The following LRRTM4 variants were observed in gnomAD, a reference collection of about 807,000 sequenced individuals.
The protein encoded by LRRTM4 is leucine rich repeat transmembrane neuronal 4.
Under a neutral mutation model 47.6 loss-of-function variants are expected in LRRTM4, and 25 were observed. The ratio of observed to expected loss-of-function variants is 0.53; its 90% CI spans 0.38 to 0.73. The LOEUF (loss-of-function observed/expected upper bound fraction) is 0.73. Among genes scored for constraint, LRRTM4 ranks in the 30% least tolerant of loss-of-function variants. The pLI is 0.00. For missense variants in LRRTM4, 638 were observed against 713.4 expected, an observed-to-expected ratio of 0.89 and a Z score of 1.20; for synonymous variants, 311 against 269.5, an observed-to-expected ratio of 1.15 and a Z score of -1.51.
chr2:76,750,139 A>T (rs956747477), intron 3 of LRRTM4, among the ~76,000 whole-genome samples: 2 of 152,200 alleles, frequency 1.3e-5, no homozygotes, highest in African/African-American at 4.8e-5. Context: ...CTCCTCCAGG[A>T]ATTTATCCTA....
At chr2:76,898,118 A>G (rs1336401159) in intron 3 of LRRTM4, among the ~76,000 whole-genome samples, 2 of 152,140 alleles carry the variant, frequency 1.3e-5, no homozygotes, top group East Asian at 3.9e-4. Flanking sequence ...TGAGTTATAC[A>G]CATCTTGTTA....
intron 3 of LRRTM4, among the ~76,000 whole-genome samples, chr2:76,909,954 T>C (rs1442577459): frequency 2.0e-5 from 3 of 152,192 alleles, no homozygotes; most frequent in African/African-American, 7.2e-5. Flanking sequence ...CTCAGGGATC[T>C]AGAACTAGAA....
intron 3 of LRRTM4, among the ~76,000 whole-genome samples, chr2:77,059,764 A>G (rs866255544): frequency 2.2e-4 from 33 of 152,306 alleles, no homozygotes; most frequent in African/African-American, 6.5e-4. Context: ...AGGAGTGAAA[A>G]GTAAAGCAAA....
At chr2:76,778,632 C>G (rs1674170072) in intron 3 of LRRTM4, among the ~76,000 whole-genome samples, 1 of 152,022 alleles carries the variant, frequency 6.6e-6, no homozygotes, top group African/African-American at 2.4e-5. Flanking sequence ...TTTACTGCAT[C>G]CATTTGATTC....
At chr2:77,069,119 C>A (rs191930605) in intron 3 of LRRTM4, among the ~76,000 whole-genome samples, 6 of 152,082 alleles carry the variant, frequency 3.9e-5, no homozygotes, top group Admixed American at 6.6e-5. Context: ...CTATTCGAGG[C>A]TTTCAACTCT....
At chr2:76,969,262 A>C (rs887045175) in intron 3 of LRRTM4, among the ~76,000 whole-genome samples, 1 of 151,836 alleles carries the variant, frequency 6.6e-6, no homozygotes, top group Admixed American at 6.6e-5. Flanking sequence ...TGGAAATTAA[A>C]CTTTATTCTA....
rs779192487 is a variant in LRRTM4 at position 76,807,445 on chromosome 2, CATATAT to C, written c.1552-58535_1552-58530del. Among the ~76,000 whole-genome samples, 3 of 69,308 alleles carry C rather than the reference CATATAT, an allele frequency of 4.3e-5. 1 individual carries two copies. The highest frequency in any genetic ancestry group is 7.2e-5 in the Non-Finnish European group (3 of 41,580). The allele number at this position is 69,308 out of a possible 152,430, so 45.5% of individuals were successfully genotyped here. A position where few individuals can be genotyped will look rare whatever the true frequency, so the allele number is the denominator to read the frequency against. ...ATATACATATATATATACGTATATA[CATATAT>C]ATATATACATATATATATACATATA... On this transcript the variant is annotated intron_variant, in intron 3 of 3. Transcript: ENST00000409884.
rs1573162025 is a variant in LRRTM4 at position 76,817,480 on chromosome 2, G to A, written c.1552-68564C>T. On this transcript the variant is annotated intron_variant, in intron 3 of 3. Transcript: ENST00000409884. ...TATGAGGCTGGAAAATGAATGAGTA[G>A]TACCTCACTTAGTCCTCACAAAAAT... Among the ~76,000 whole-genome samples the A allele has an allele frequency of 2.0e-5, 3 of 151,996 alleles. No individual in the cohort carries two copies. In the South Asian group the frequency reaches 6.2e-4, roughly 31 times the overall value.
At chr2:77,330,081 C>G (rs566610981) in intron 3 of LRRTM4, among the ~76,000 whole-genome samples, 6 of 152,214 alleles carry the variant, frequency 3.9e-5, no homozygotes, top group Admixed American at 3.3e-4. Context: ...TGTGAAATAG[C>G]ACACTTGATT....
At chr2:76,853,747 C>A (rs1338083335) in intron 3 of LRRTM4, among the ~76,000 whole-genome samples, 1 of 152,028 alleles carries the variant, frequency 6.6e-6, no homozygotes, top group African/African-American at 2.4e-5. Context: ...AAGGTAAATT[C>A]CAGATTGTCA....
chr2:77,343,281 G>A (rs1291502760), intron 3 of LRRTM4, among the ~76,000 whole-genome samples: 2 of 151,854 alleles, frequency 1.3e-5, no homozygotes, highest in Admixed American at 6.6e-5. Flanking sequence ...GTTCTCCTAG[G>A]TAACTTGCTT....
chr2:77,275,080 A>G (rs1282722696), intron 3 of LRRTM4, among the ~76,000 whole-genome samples: 1 of 152,158 alleles, frequency 6.6e-6, no homozygotes, highest in Non-Finnish European at 1.5e-5. Flanking sequence ...GAAGAGACAT[A>G]AGAGAAAAAA....
chr2:77,131,787 G>A (rs1008866054), intron 3 of LRRTM4, among the ~76,000 whole-genome samples: 2 of 152,052 alleles, frequency 1.3e-5, no homozygotes, highest in South Asian at 4.1e-4. Context: ...ATACTTAGGA[G>A]GAAGCATTCC....
intron 3 of LRRTM4, among the ~76,000 whole-genome samples, chr2:76,964,627 C>T (rs114448280): frequency 0.012 from 1,861 of 149,750 alleles, 39 homozygotes; most frequent in African/African-American, 0.043. Flanking sequence ...GCATATATTA[C>T]AAAACATGAA....
chr2:77,291,656 A>G (rs984221326), intron 3 of LRRTM4, among the ~76,000 whole-genome samples: 12 of 152,082 alleles, frequency 7.9e-5, no homozygotes, highest in African/African-American at 2.7e-4. Context: ...TTTTAAAAGC[A>G]TTGTATTTAG....
intron 3 of LRRTM4, among the ~76,000 whole-genome samples, chr2:77,446,191 T>G (rs1676043766): frequency 6.6e-6 from 1 of 151,976 alleles, no homozygotes; most frequent in Non-Finnish European, 1.5e-5. Context: ...ATGCTATGGG[T>G]TTTTTTCTGT....
intron 3 of LRRTM4, among the ~76,000 whole-genome samples, chr2:77,401,760 T>C (rs917478780): frequency 2.0e-5 from 3 of 151,972 alleles, no homozygotes; most frequent in Admixed American, 6.6e-5. Context: ...ATAAATTATA[T>C]ATTTTTGTAT....
chr2:76,829,509 C>T (rs934735201), intron 3 of LRRTM4, among the ~76,000 whole-genome samples: 1 of 147,190 alleles, frequency 6.8e-6, no homozygotes, highest in Non-Finnish European at 1.5e-5. Flanking sequence ...CACATCTAAT[C>T]TCTAATTACA....
intron 3 of LRRTM4, among the ~76,000 whole-genome samples, chr2:76,897,651 C>G (rs1202613025): frequency 2.0e-5 from 3 of 152,098 alleles, no homozygotes; most frequent in African/African-American, 7.2e-5. Flanking sequence ...GTTGCAATTC[C>G]AATTAATACA....
Sources: gnomAD v4.1 joint callset for allele counts (sites outside exome capture counted in the v4.1 genomes callset) on GRCh38, gnomAD v4.1.1 for gene constraint, MANE v1.5 for transcripts, NCBI Gene and HGNC (gene_info 2026-07-23, HGNC 2026-07-21) for gene names.